The following WDR70 variants were observed in gnomAD, a reference collection of about 807,000 sequenced individuals.
The protein encoded by WDR70 is WD repeat domain 70.
Under a neutral mutation model 88.6 loss-of-function variants are expected in WDR70, and 53 were observed. The observed-to-expected ratio is 0.60, with a 90% CI of 0.48 to 0.75. WDR70 has a LOEUF of 0.75. WDR70 is among the 30% of genes least tolerant of loss of function. WDR70 has a pLI of 0.00. For synonymous variants in WDR70, 280 were observed against 270.0 expected, an observed-to-expected ratio of 1.04 and a Z score of -0.36; for missense variants, 610 against 823.2, an observed-to-expected ratio of 0.74 and a Z score of 3.17.
At chr5:37,476,450 A>G (rs1031148657) in intron 7 of WDR70, among the ~76,000 whole-genome samples, 1 of 152,196 alleles carries the variant, frequency 6.6e-6, no homozygotes, top group East Asian at 1.9e-4. Context: ...GTCCTGAGAA[A>G]TCCACCTATG....
In WDR70 at chr5:37,541,251, A is replaced by G. The variant is rs1237778898; in HGVS notation, c.917+24661A>G. ...AAGAATTGATTACTTTTGAAATGAA[A>G]GGAAAAGTAAACCAGTAAAGTTAAG... On this transcript the variant is annotated intron_variant, in intron 9 of 17. Transcript: ENST00000265107. 2.6e-5 allele frequency among the ~76,000 whole-genome samples: 4 copies of G among 152,344 alleles called. No homozygotes were observed. In the East Asian group the frequency reaches 7.7e-4, roughly 29 times the overall value.
Position 37,658,513 on chromosome 5 carries a change from T to A in WDR70, c.1093-39142T>A, listed in dbSNP as rs147395349. On this transcript the variant is annotated intron_variant, in intron 10 of 17. Transcript: ENST00000265107. The stretch of plus-strand genomic sequence containing the variant: ...AATATGCGTTGCCTCTTTCCTTGCC[T>A]GGCAACCTTCTAGTTATCTTTCAAA... Among the ~76,000 whole-genome samples the A allele has an allele frequency of 6.3e-3, 963 of 152,278 alleles. 12 individuals are homozygous for A. The highest frequency in any genetic ancestry group is 0.022 in the African/African-American group (914 of 41,548).
At position 37,570,400 on chromosome 5, in the gene WDR70, A is replaced by G. The variant is rs116199157; in HGVS notation, c.918-34664A>G. ...AGAAACTTTTAAGAAGTGCCAGAAG[A>G]TAGCTAGTTTTTTGCCTCTGAAACT... On this transcript the variant is annotated intron_variant, in intron 9 of 17. Coordinates refer to ENST00000265107, the MANE Select transcript of WDR70 (RefSeq NM_018034.4). Among the ~76,000 whole-genome samples the G allele has an allele frequency of 8.1e-3, 1,239 of 152,258 alleles. 9 individuals are homozygous for G. Among genetic ancestry groups the G allele is most frequent in the African/African-American group, 0.02 (840 of 41,552 alleles).
intron 13 of WDR70, among the ~76,000 whole-genome samples, chr5:37,720,452 A>G (rs764129112): frequency 1.3e-5 from 2 of 152,304 alleles, no homozygotes; most frequent in African/African-American, 2.4e-5. Context: ...TTTCAGCCCC[A>G]GAGCACCACT....
At chr5:37,603,258 G>A (rs886725666) in intron 9 of WDR70, among the ~76,000 whole-genome samples, 1 of 152,032 alleles carries the variant, frequency 6.6e-6, no homozygotes, top group Non-Finnish European at 1.5e-5. Context: ...CAAAATAAAA[G>A]CTATTGTAAT....
chr5:37,505,099 ATGTC>A (rs1387059878), intron 8 of WDR70, among the ~76,000 whole-genome samples: 2 of 152,214 alleles, frequency 1.3e-5, no homozygotes, highest in African/African-American at 4.8e-5. Flanking sequence ...CTGTAATCAA[ATGTC>A]TGTCTAAAAT....
At chr5:37,538,554 T>C (rs1175333153) in intron 9 of WDR70, among the ~76,000 whole-genome samples, 2 of 152,266 alleles carry the variant, frequency 1.3e-5, no homozygotes, top group African/African-American at 2.4e-5. Context: ...CTAGCACTCA[T>C]TGTTTTGTTC....
chr5:37,496,503 G>T (rs1740219260), intron 8 of WDR70, among the ~76,000 whole-genome samples: 1 of 152,098 alleles, frequency 6.6e-6, no homozygotes, highest in Admixed American at 6.5e-5. Context: ...TCACCGCGAG[G>T]GTCCATGGCT....
Position 37,605,135 on chromosome 5 carries a change from G to T in WDR70, c.989G>T (p.Gly330Val), listed in dbSNP as rs1456373008. The T allele has an allele frequency of 6.2e-7, 1 of 1,613,032 alleles. No individual in the cohort carries two copies. The highest frequency in any genetic ancestry group is 8.5e-7 in the Non-Finnish European group (1 of 1,179,452). ...KSVFKPRTMQ[G>V]KKVIPTTCTY... is the part of the protein sequence containing the mutation. ...GTGTTTAAACCACGGACGATGCAAG[G>T]CAAAAAAGTCATTCCCACTACGTGC... The change falls in exon 10 of 18, where the codon GGC becomes GTC. Residue 330 changes from glycine to valine, a missense_variant. By Grantham distance (109) the Gly-to-Val change is moderately radical. Coordinates refer to ENST00000265107, the MANE Select transcript of WDR70 (RefSeq NM_018034.4).
intron 9 of WDR70, among the ~76,000 whole-genome samples, chr5:37,595,695 A>G (rs1283213765): frequency 6.6e-6 from 1 of 152,234 alleles, no homozygotes; most frequent in Non-Finnish European, 1.5e-5. Flanking sequence ...ATAAATTGTA[A>G]TTACACATAT....
chr5:37,646,999 C>T (rs1251761508), intron 10 of WDR70, among the ~76,000 whole-genome samples: 1 of 152,156 alleles, frequency 6.6e-6, no homozygotes, highest in East Asian at 1.9e-4. Flanking sequence ...GCCAATAACT[C>T]TTAGATTTGC....
intron 10 of WDR70, among the ~76,000 whole-genome samples, chr5:37,644,941 AT>A (rs1271717130): frequency 6.6e-6 from 1 of 151,348 alleles, no homozygotes; most frequent in African/African-American, 2.4e-5. Context: ...TCAACTTTTC[AT>A]TTCATTGATC....
chr5:37,692,996 C>A (rs2112641731), intron 10 of WDR70, among the ~76,000 whole-genome samples: 3 of 152,270 alleles, frequency 2.0e-5, no homozygotes, highest in South Asian at 2.1e-4. Flanking sequence ...TCTCCTTAAG[C>A]TGATAAGCAA....
In WDR70 at chr5:37,491,207, TC is replaced by T. The variant is rs1367960834; in HGVS notation, c.840+11222del. Among the ~76,000 whole-genome samples the T allele has an allele frequency of 6.6e-5, 10 of 152,308 alleles. 1 individual carries two copies. Among genetic ancestry groups the T allele is most frequent in the Admixed American group, 5.9e-4 (9 of 15,302 alleles). On this transcript the variant is annotated intron_variant, in intron 8 of 17. Transcript: ENST00000265107. The stretch of plus-strand genomic sequence containing the variant: ...GGAGCCTCTTAGGGCTCCCAGCTGG[TC>T]CTGGCTGGGCTCTGTGCCTTGCTTT...
intron 10 of WDR70, among the ~76,000 whole-genome samples, chr5:37,692,291 A>G (rs1746821293): frequency 1.3e-5 from 2 of 152,202 alleles, no homozygotes; most frequent in Admixed American, 6.5e-5. Context: ...CAGAGATACA[A>G]AGAGGAGCTG....
At chr5:37,444,613 G>T (rs1324264308) in intron 7 of WDR70, among the ~76,000 whole-genome samples, 1 of 152,000 alleles carries the variant, frequency 6.6e-6, no homozygotes, top group East Asian at 1.9e-4. Flanking sequence ...AAAGTGCTGG[G>T]ATTACAGGCA....
chr5:37,477,677 T>C (rs1290529021), intron 7 of WDR70, among the ~76,000 whole-genome samples: 4 of 152,214 alleles, frequency 2.6e-5, no homozygotes, highest in African/African-American at 7.2e-5. Flanking sequence ...TGATGCTTTC[T>C]GGGATTAACT....
rs768644802 is a variant in WDR70 at position 37,726,917 on chromosome 5, T to G, written c.1749T>G (p.Thr583=). 1 of 1,598,324 alleles carries G rather than the reference T, an allele frequency of 6.3e-7. No homozygotes were observed. Among genetic ancestry groups the G allele is most frequent in the Non-Finnish European group, 8.5e-7 (1 of 1,174,712 alleles). The stretch of plus-strand genomic sequence containing the variant: ...GCCGAGTTGGAACCCACGGGGGCAC[T>G]CTCTCTTCCTATATTGTGAAGAACA... ...RGGRVGTHGG[T]LSSYIVKNIA... Residue 583 remains threonine (T), a synonymous_variant, in exon 17 of 18, where the codon ACT becomes ACG. Coordinates refer to ENST00000265107, the MANE Select transcript of WDR70 (RefSeq NM_018034.4).
At chr5:37,680,476 G>C (rs1036923333) in intron 10 of WDR70, among the ~76,000 whole-genome samples, 2 of 152,114 alleles carry the variant, frequency 1.3e-5, no homozygotes, top group Non-Finnish European at 2.9e-5. Context: ...CTTTGCCTGT[G>C]CCTATATCCT....
Sources: allele counts gnomAD v4.1 joint callset (sites outside exome capture counted in the v4.1 genomes callset), GRCh38; gene constraint gnomAD v4.1.1; transcripts MANE v1.5; gene names NCBI Gene and HGNC (gene_info 2026-07-23, HGNC 2026-07-21).